The following PARD3B variants were observed in gnomAD, a reference collection of about 807,000 sequenced individuals.
PARD3B encodes partitioning defective 3 homolog B.
A neutral mutation model predicts 130.2 loss-of-function variants in PARD3B; 103 were observed. That is an observed-to-expected ratio of 0.79 (90% CI 0.67 to 0.93). PARD3B has a LOEUF of 0.93. Ranked by LOEUF, PARD3B falls within the 40% of genes least tolerant of loss-of-function variation. The probability of loss-of-function intolerance (pLI) is 0.00; values close to 1 mark genes in which losing one functional copy is unlikely to be tolerated. For missense variants in PARD3B, 1,609 were observed against 1,499.2 expected (o/e 1.07, Z -1.21); for synonymous variants, 583 against 553.2 (o/e 1.05, Z -0.76).
At chr2:204,729,984 T>TAC (rs1193199067) in intron 2 of PARD3B, among the ~76,000 whole-genome samples, 5 of 81,784 alleles carry the variant, frequency 6.1e-5, no homozygotes, top group East Asian at 3.8e-4. Flanking sequence ...TAGTTACAGA[T>TAC]ACACACACAC....
At chr2:204,740,934 C>G (rs993695327) in intron 2 of PARD3B, among the ~76,000 whole-genome samples, 1 of 152,036 alleles carries the variant, frequency 6.6e-6, no homozygotes, top group African/African-American at 2.4e-5. Context: ...ATGGTTTTAT[C>G]TCTAGAGAAA....
intron 21 of PARD3B, among the ~76,000 whole-genome samples, chr2:205,512,170 A>G (rs10183611): frequency 0.47 from 71,661 of 152,006 alleles, 18,003 homozygotes; most frequent in Middle Eastern, 0.67. Flanking sequence ...ACTAACGTCT[A>G]TGACTTTCCA....
chr2:205,571,761 A>G (rs899996295), intron 22 of PARD3B, among the ~76,000 whole-genome samples: 1 of 152,310 alleles, frequency 6.6e-6, no homozygotes, highest in Non-Finnish European at 1.5e-5. Context: ...CTTATTGGCT[A>G]TTAAATAATG....
At chr2:205,390,198 A>G (rs888097542) in intron 18 of PARD3B, among the ~76,000 whole-genome samples, 1 of 151,562 alleles carries the variant, frequency 6.6e-6, no homozygotes, top group Admixed American at 6.6e-5. Context: ...GATTTTTATG[A>G]CACAATGGAA....
intron 2 of PARD3B, among the ~76,000 whole-genome samples, chr2:204,733,483 T>C (rs79470111): frequency 7.0e-6 from 1 of 143,736 alleles, no homozygotes; most frequent in Non-Finnish European, 1.5e-5. Flanking sequence ...GACAGGCTTT[T>C]TTTTTTTTTT....
intron 21 of PARD3B, among the ~76,000 whole-genome samples, chr2:205,504,291 T>C (rs1207598738): frequency 6.6e-6 from 1 of 152,134 alleles, no homozygotes; most frequent in Non-Finnish European, 1.5e-5. Context: ...ATAAAAACCC[T>C]AGAAGAAAAC....
At chr2:205,434,082 T>A (rs1296653038) in intron 19 of PARD3B, among the ~76,000 whole-genome samples, 1 of 152,214 alleles carries the variant, frequency 6.6e-6, no homozygotes, top group Admixed American at 6.5e-5. Context: ...TCCTAGACCT[T>A]TTCCAAAAGG....
At chr2:204,925,116 T>TA (rs2125761280) in intron 2 of PARD3B, among the ~76,000 whole-genome samples, 1 of 151,992 alleles carries the variant, frequency 6.6e-6, no homozygotes, top group East Asian at 1.9e-4. Context: ...CAGGCACAGG[T>TA]AAAAGAAAAC....
intron 3 of PARD3B, among the ~76,000 whole-genome samples, chr2:204,998,312 G>GTGTA (rs1278337977): frequency 1.7e-4 from 9 of 52,042 alleles, no homozygotes; most frequent in African/African-American, 7.0e-4. Context: ...AGAACTTAAA[G>GTGTA]TATATATATA....
At chr2:204,814,168 C>A (rs1173366138) in intron 2 of PARD3B, among the ~76,000 whole-genome samples, 1 of 151,856 alleles carries the variant, frequency 6.6e-6, no homozygotes, top group African/African-American at 2.4e-5. Context: ...GTGTATAGAT[C>A]TTTGTTACTT....
Position 205,523,678 on chromosome 2 carries a change from G to A in PARD3B, c.3180+23647G>A, listed in dbSNP as rs1458098830. Among the ~76,000 whole-genome samples, 12 of 151,960 alleles carry A rather than the reference G, an allele frequency of 7.9e-5. No homozygotes were observed. The East Asian group carries it at 2.3e-3, about 29-fold the overall frequency. ...ATATACAGTTGTGTTTCTAAAGAAG[G>A]TGTATATTTTTAAAATATTTTTAAT... On this transcript the variant is annotated intron_variant, in intron 21 of 22. Coordinates refer to ENST00000406610, the MANE Select transcript of PARD3B (RefSeq NM_001302769.2).
At chr2:205,037,683 A>G (rs1698102500) in intron 3 of PARD3B, among the ~76,000 whole-genome samples, 2 of 150,794 alleles carry the variant, frequency 1.3e-5, no homozygotes, top group South Asian at 2.1e-4. Context: ...TGGACTATAT[A>G]TATATATGAT....
At chr2:205,095,889 G>C (rs1347266019) in intron 4 of PARD3B, among the ~76,000 whole-genome samples, 1 of 151,996 alleles carries the variant, frequency 6.6e-6, no homozygotes, top group African/African-American at 2.4e-5. Flanking sequence ...AACTCTAACT[G>C]TGCTGATTAT....
intron 14 of PARD3B, among the ~76,000 whole-genome samples, chr2:205,189,146 TTC>T (rs891350255): frequency 2.6e-5 from 4 of 151,096 alleles, no homozygotes; most frequent in African/African-American, 4.9e-5. Flanking sequence ...CATATTCTCT[TTC>T]TCTCTCTCTC....
intron 2 of PARD3B, among the ~76,000 whole-genome samples, chr2:204,771,250 G>A (rs2041363406): frequency 6.6e-6 from 1 of 151,934 alleles, no homozygotes; most frequent in South Asian, 2.1e-4. Flanking sequence ...CTCAGTTGGA[G>A]TGTGTATGTG....
intron 1 of PARD3B, among the ~76,000 whole-genome samples, chr2:204,660,303 C>T (rs768247814): frequency 3.5e-4 from 53 of 152,084 alleles, no homozygotes; most frequent in Non-Finnish European, 6.5e-4. Flanking sequence ...CTTCTAACTG[C>T]TTTTTGCAAT....
Position 204,677,669 on chromosome 2 carries a change from T to TTA in PARD3B, c.121-8510_121-8509dup, listed in dbSNP as rs1373690303. Among the ~76,000 whole-genome samples, 1 of 152,232 alleles carries TTA rather than the reference T, an allele frequency of 6.6e-6. No homozygotes were observed. The highest frequency in any genetic ancestry group is 6.5e-5 in the Admixed American group (1 of 15,288). ...GTTCTGTTCTCACACAGTCCTTGTA[T>TTA]TATCATAGCCTAAGATGGTAATAAT... On this transcript the variant is annotated intron_variant, in intron 1 of 22. Transcript: ENST00000406610. The surrounding 1 kb of genome is among the most constrained non-coding windows in gnomAD (Gnocchi z 4.1).
rs565821704 is a variant in PARD3B at position 204,926,335 on chromosome 2, G to A, written c.223-38817G>A. On this transcript the variant is annotated intron_variant, in intron 2 of 22. Coordinates refer to ENST00000406610, the MANE Select transcript of PARD3B (RefSeq NM_001302769.2). ...AGGAGCAGTTTATCTTAAAGTCCTT[G>A]ACATCTGTAGCAGCTAATTATCATT... 1.2e-4 allele frequency among the ~76,000 whole-genome samples: 18 copies of A among 152,182 alleles called. 1 individual carries two copies. The South Asian group carries it at 3.7e-3, about 32-fold the overall frequency.
chr2:204,816,216 C>T (rs75851755), intron 2 of PARD3B, among the ~76,000 whole-genome samples: 11,593 of 151,792 alleles, frequency 0.076, 601 homozygotes, highest in Non-Finnish European at 0.11. Flanking sequence ...TGTTGTCGTA[C>T]GTATTACTTT....
Sources: allele counts gnomAD v4.1 joint callset (sites outside exome capture counted in the v4.1 genomes callset), GRCh38; gene constraint gnomAD v4.1.1; non-coding constraint Gnocchi (gnomAD v3.1); transcripts MANE v1.5; gene names NCBI Gene and HGNC (gene_info 2026-07-23, HGNC 2026-07-21).